The following PLA2G10 variants were observed in gnomAD, a reference collection of about 807,000 sequenced individuals.
The protein encoded by PLA2G10 is phospholipase A2 group X, also known as group 10 secretory phospholipase A2.
A neutral mutation model predicts 7.9 loss-of-function variants in PLA2G10; 9 were observed. That is an observed-to-expected ratio of 1.14 (90% confidence interval 0.68 to 1.98). The LOEUF is 1.98. Ranked by LOEUF, PLA2G10 falls within the 30% of genes most tolerant of loss-of-function variation. PLA2G10 has a pLI of 0.00. For synonymous variants in PLA2G10, 19 were observed against 27.5 expected, an observed-to-expected ratio of 0.69 and a Z score of 0.97; for missense variants, 53 against 65.4, an observed-to-expected ratio of 0.81 and a Z score of 0.66.
chr16:14,678,830 A>G (rs1597009204), intron 3 of PLA2G10: 3 of 309,392 alleles, frequency 9.7e-6, no homozygotes, highest in South Asian at 5.2e-5. Flanking sequence ...TTGGCTCCCC[A>G]TCTCTCTCAG....
At chr16:14,677,885 GGATGGATGGATA>G (rs941044642) in intron 3 of PLA2G10, among the ~76,000 whole-genome samples, 5 of 151,438 alleles carry the variant, frequency 3.3e-5, no homozygotes, top group African/African-American at 1.2e-4. Context: ...ATGGATGGAT[GGATGGATGGATA>G]GATGGAAGAA....
chr16:14,679,527 G>T (rs1240753652), intron 3 of PLA2G10, among the ~76,000 whole-genome samples: 1 of 151,970 alleles, frequency 6.6e-6, no homozygotes, highest in East Asian at 1.9e-4. Context: ...AGGTGTGGTG[G>T]CACATGCCTG....
At chr16:14,686,259 T>TGA (rs1219882386) in intron 3 of PLA2G10, among the ~76,000 whole-genome samples, 2 of 151,304 alleles carry the variant, frequency 1.3e-5, no homozygotes, top group African/African-American at 4.9e-5. Flanking sequence ...ATTACAGGAG[T>TGA]GAGCCACAGC....
chr16:14,675,755 A>G (rs1567501912), intron 3 of PLA2G10, among the ~76,000 whole-genome samples: 3 of 151,988 alleles, frequency 2.0e-5, no homozygotes, highest in African/African-American at 7.3e-5. Flanking sequence ...CCTAGCCAAC[A>G]TGGTGAAACC....
chr16:14,678,688 T>G (rs1296752882), intron 3 of PLA2G10: 1 of 397,772 alleles, frequency 2.5e-6, no homozygotes. Context: ...GAGGATCGCT[T>G]GAGCCCAAAA....
chr16:14,686,750 C>T (rs552506294), intron 3 of PLA2G10, among the ~76,000 whole-genome samples: 3 of 152,162 alleles, frequency 2.0e-5, no homozygotes, highest in Admixed American at 2.0e-4. Context: ...CTGCCTTGGC[C>T]TCCCAAAGTG....
intron 3 of PLA2G10, among the ~76,000 whole-genome samples, chr16:14,685,930 C>T (rs1384671831): frequency 6.6e-6 from 1 of 151,610 alleles, no homozygotes; most frequent in Admixed American, 6.6e-5. Flanking sequence ...ACCTCAGCCT[C>T]CCAAAGTGTT....
chr16:14,687,636 G>A (rs1961126724), intron 3 of PLA2G10, among the ~76,000 whole-genome samples: 1 of 151,654 alleles, frequency 6.6e-6, no homozygotes, highest in East Asian at 1.9e-4. Flanking sequence ...CTTCTTCCTT[G>A]TCGTCCAGAC....
chr16:14,683,304 C>T (rs1325720801), intron 3 of PLA2G10, among the ~76,000 whole-genome samples: 1 of 149,614 alleles, frequency 6.7e-6, no homozygotes, highest in Non-Finnish European at 1.5e-5. Flanking sequence ...GCAATCTCTG[C>T]TCACTGCAAT....
intron 3 of PLA2G10, among the ~76,000 whole-genome samples, chr16:14,683,421 A>G (rs1247941856): frequency 6.6e-6 from 1 of 151,564 alleles, no homozygotes; most frequent in Non-Finnish European, 1.5e-5. Context: ...ATCTTAGTAG[A>G]GATGGGGTTT....
At chr16:14,686,455 T>A (rs533942805) in intron 3 of PLA2G10, among the ~76,000 whole-genome samples, 1 of 152,244 alleles carries the variant, frequency 6.6e-6, no homozygotes, top group South Asian at 2.1e-4. Flanking sequence ...GCTTTCTTAT[T>A]TATTTGAAGG....
chr16:14,679,449 C>A (rs1199798709), intron 3 of PLA2G10, among the ~76,000 whole-genome samples: 1 of 151,978 alleles, frequency 6.6e-6, no homozygotes, highest in African/African-American at 2.4e-5. Flanking sequence ...TTCACAAGGT[C>A]AGGAGTTCAA....
chr16:14,675,621 A>ATCTCTT (rs1960704799), intron 3 of PLA2G10, among the ~76,000 whole-genome samples: 1 of 152,140 alleles, frequency 6.6e-6, no homozygotes, highest in Non-Finnish European at 1.5e-5. Flanking sequence ...CAAATCAGCA[A>ATCTCTT]GAAGAAAAGA....
intron 3 of PLA2G10, among the ~76,000 whole-genome samples, chr16:14,673,786 A>G (rs1234117752): frequency 6.6e-6 from 1 of 152,202 alleles, no homozygotes; most frequent in Non-Finnish European, 1.5e-5. Context: ...ATCATACTGA[A>G]TGGGGATGAG....
intron 3 of PLA2G10, among the ~76,000 whole-genome samples, chr16:14,677,853 A>AGATG (rs66604338): frequency 0.014 from 2,105 of 146,170 alleles, 19 homozygotes; most frequent in Middle Eastern, 0.027. Context: ...ATGGATGGAT[A>AGATG]GATGGATGGA....
chr16:14,675,380 A>C (rs1960698524), intron 3 of PLA2G10, among the ~76,000 whole-genome samples: 1 of 152,084 alleles, frequency 6.6e-6, no homozygotes, highest in African/African-American at 2.4e-5. Context: ...CTAGAAGAAA[A>C]CCTTGGAAAA....
chr16:14,681,483 A>G (rs141579592), intron 3 of PLA2G10, among the ~76,000 whole-genome samples: 53 of 152,072 alleles, frequency 3.5e-4, no homozygotes, highest in African/African-American at 1.3e-3. Context: ...ACCTGGCCCC[A>G]CTGCTCCATG....
intron 3 of PLA2G10, among the ~76,000 whole-genome samples, chr16:14,679,074 C>G (rs867684811): frequency 1.3e-5 from 2 of 152,144 alleles, no homozygotes; most frequent in African/African-American, 4.8e-5. Flanking sequence ...GGGAGACTTT[C>G]TCTCACCCCA....
chr16:14,675,863 C>T (rs1312083925), intron 3 of PLA2G10, among the ~76,000 whole-genome samples: 1 of 147,092 alleles, frequency 6.8e-6, no homozygotes, highest in Non-Finnish European at 1.5e-5. Flanking sequence ...CATTTGAACC[C>T]GGGAGGCAGA....
Sources: gnomAD v4.1 joint callset for allele counts (sites outside exome capture counted in the v4.1 genomes callset) on GRCh38, gnomAD v4.1.1 for gene constraint, MANE v1.5 for transcripts, NCBI Gene and HGNC (gene_info 2026-07-23, HGNC 2026-07-21) for gene names.